The following CSNK1D variants were observed in gnomAD, a reference collection of about 807,000 sequenced individuals.
CSNK1D encodes the protein casein kinase I isoform delta.
In CSNK1D, 16 loss-of-function variants were observed where a neutral mutation model predicts 46.6. That is an observed-to-expected ratio of 0.34 (90% CI 0.23 to 0.52). The LOEUF (loss-of-function observed/expected upper bound fraction) is 0.52, where lower values mean the gene tolerates loss of function less well. Ranked by LOEUF, CSNK1D falls within the 20% of genes least tolerant of loss-of-function variation. The pLI, the probability that CSNK1D is intolerant of heterozygous loss-of-function variation, is 0.95. For synonymous variants in CSNK1D, 276 were observed against 228.2 expected (o/e 1.21, Z -1.89); for missense variants, 398 against 578.4 (o/e 0.69, Z 3.20).
Position 82,268,095 on chromosome 17 carries a change from C to T in CSNK1D, c.77-2299G>A, listed in dbSNP as rs117468153. On this transcript the variant is annotated intron_variant, in intron 1 of 8. Coordinates refer to ENST00000314028, the MANE Select transcript of CSNK1D (RefSeq NM_001893.6). ...AGCCAGCCCTCCTGTGGAACCGACA[C>T]CAAGGTCGCCCCGAGTCTCTACAGG... Among the ~76,000 whole-genome samples the T allele has an allele frequency of 2.2e-3, 328 of 152,358 alleles. 1 individual carries two copies. The highest frequency in any genetic ancestry group is 3.7e-3 in the Non-Finnish European group (251 of 68,032).
At chr17:82,262,877 T>C (rs554566621) in intron 2 of CSNK1D, among the ~76,000 whole-genome samples, 25 of 152,338 alleles carry the variant, frequency 1.6e-4, no homozygotes, top group South Asian at 4.1e-4. Context: ...AAAATGCAGA[T>C]CTTTAGATCT....
In CSNK1D at chr17:82,252,567, G is replaced by A. The variant is rs139071313; in HGVS notation, c.603C>T (p.Tyr201=). 1,336 of 1,613,978 alleles carry A rather than the reference G, an allele frequency of 8.3e-4. 4 individuals carry two copies. Among genetic ancestry groups the A allele is most frequent in the Non-Finnish European group, 9.7e-4 (1,147 of 1,180,018 alleles). ...SRRDDLESLG[Y]VLMYFNLGSL... The stretch of plus-strand genomic sequence containing the variant: ...AGCCCAGGTTGAAGTACATTAGCAC[G>A]TAGCCCAGAGACTCCAAGTCATCTC... Residue 201 remains tyrosine (Y), a synonymous_variant, in exon 5 of 9, where the codon TAC becomes TAT. Transcript: ENST00000314028. The surrounding 1 kb of genome is among the most constrained non-coding windows in gnomAD (Gnocchi z 4.6).
At chr17:82,264,037 G>C (rs780420760) in intron 2 of CSNK1D, among the ~76,000 whole-genome samples, 1 of 152,248 alleles carries the variant, frequency 6.6e-6, no homozygotes, top group African/African-American at 2.4e-5. Flanking sequence ...TGCTGCCAAA[G>C]ATATTTTGTG....
chr17:82,247,182 G>T (rs1025740689), intron 8 of CSNK1D: 2 of 985,472 alleles, frequency 2.0e-6, no homozygotes, highest in Non-Finnish European at 2.4e-6. Context: ...CCTCCCTGCT[G>T]TTAGAGCCCA....
At chr17:82,272,478 C>T (rs1433346837) in intron 1 of CSNK1D, among the ~76,000 whole-genome samples, 1 of 152,200 alleles carries the variant, frequency 6.6e-6, no homozygotes, top group East Asian at 1.9e-4. Context: ...TGAAATCTAC[C>T]TTGAGACTGT....
downstream of CSNK1D, among the ~76,000 whole-genome samples, chr17:82,242,130 G>A (rs1826025917): frequency 6.6e-6 from 1 of 151,578 alleles, no homozygotes; most frequent in Non-Finnish European, 1.5e-5. Flanking sequence ...ACGAGCACAG[G>A]TTAGGAGTTG....
Position 82,251,474 on chromosome 17 carries a change from G to C in CSNK1D, c.790C>G (p.Pro264Ala). The C allele has an allele frequency of 1.2e-6, 2 of 1,614,154 alleles. No individual in the cohort carries two copies. Among genetic ancestry groups the C allele is most frequent in the Non-Finnish European group, 1.7e-6 (2 of 1,180,024 alleles). The change falls in exon 6 of 9, where the codon CCT becomes GCT. Residue 264 changes from proline (P) to alanine (A), a missense_variant. This residue lies in a region of CSNK1D where 217 missense variants were observed against 370.3 expected (regional missense o/e 0.59). Transcript: ENST00000314028. The surrounding 1 kb of genome is among the most constrained non-coding windows in gnomAD (Gnocchi z 4.5). ...AGCTGCCGCAGGTACGAGTAGTCAG[G>C]CTTGTCGTCAAAACGCAAGGAACGG... Reference protein sequence around the residue: ...FCRSLRFDDKPDYSYLRQLFR... With the variant: ...FCRSLRFDDKADYSYLRQLFR...
At chr17:82,240,997 G>A (rs1450813483), downstream of CSNK1D, among the ~76,000 whole-genome samples, 2 of 152,290 alleles carry the variant, frequency 1.3e-5, no homozygotes, top group African/African-American at 4.8e-5. Flanking sequence ...GGTCTGGTGC[G>A]TGGGCTGCAG....
intron 2 of CSNK1D, among the ~76,000 whole-genome samples, chr17:82,256,947 A>G (rs1206456008): frequency 1.3e-5 from 2 of 152,142 alleles, no homozygotes; most frequent in Non-Finnish European, 2.9e-5. Context: ...AATTCAATTC[A>G]TTTAAAAAAT....
At position 82,245,942 on chromosome 17, in the gene CSNK1D, G is replaced by A. The variant is rs374625916; in HGVS notation, c.1198-1111C>T. ...GCATGGTGGCTCCCACCCACCTGGC[G>A]CTGCTGCCTGGCGCCCGCCACGCGC... is the stretch of plus-strand genomic sequence containing the variant. On this transcript the variant is annotated intron_variant, in intron 8 of 8. Transcript: ENST00000314028. The A allele has an allele frequency of 9.6e-4, 1,507 of 1,577,314 alleles. 2 individuals are homozygous for A. Among genetic ancestry groups the A allele is most frequent in the South Asian group, 5.1e-3 (443 of 86,318 alleles).
chr17:82,239,397 C>T (rs1484417492), downstream of CSNK1D: 1 of 180,040 alleles, frequency 5.6e-6, no homozygotes, highest in Non-Finnish European at 1.2e-5. Flanking sequence ...GGGCCTGTGC[C>T]CACCCCTCTT....
chr17:82,254,720 C>G (rs1350294205), intron 3 of CSNK1D: 3 of 123,628 alleles, frequency 2.4e-5, no homozygotes, highest in Non-Finnish European at 4.3e-5. Flanking sequence ...GCCGGAGCCT[C>G]GAGAAGCCAG....
Position 82,244,124 on chromosome 17 carries a change from C to A in CSNK1D, c.*657G>T. On this transcript the variant is annotated 3_prime_UTR_variant, in exon 9 of 9. Coordinates refer to ENST00000314028, the MANE Select transcript of CSNK1D (RefSeq NM_001893.6). ...GACGCCAAAATCAGGTTGAAGAGGT[C>A]CCACCACACACGGGCACACACACAC... is the stretch of plus-strand genomic sequence containing the variant. 1 of 992,942 alleles carries A rather than the reference C, an allele frequency of 1.0e-6. No homozygotes were observed. The highest frequency in any genetic ancestry group is 1.2e-6 in the Non-Finnish European group (1 of 833,998). The allele number at this position is 992,942 out of a possible 1,614,324, so 61.5% of individuals were successfully genotyped here. A position where few individuals can be genotyped will look rare whatever the true frequency, so the allele number is the denominator to read the frequency against.
chr17:82,252,303 T>A lies in CSNK1D; in HGVS notation c.736+131A>T. On this transcript the variant is annotated intron_variant, in intron 5 of 8. Coordinates refer to ENST00000314028, the MANE Select transcript of CSNK1D (RefSeq NM_001893.6). The surrounding 1 kb of genome is among the most constrained non-coding windows in gnomAD (Gnocchi z 4.6). ...ACCTCCATACACAAAAGCGCCCCGC[T>A]TTCCTGCCACCACCCCTTTGGAAGG... 1 of 1,087,720 alleles carries A rather than the reference T, an allele frequency of 9.2e-7. No homozygotes were observed. The highest frequency in any genetic ancestry group is 1.4e-6 in the Non-Finnish European group (1 of 705,844). The allele number at this position is 1,087,720 out of a possible 1,614,324, so 67.4% of individuals were successfully genotyped here.
chr17:82,268,615 T>C (rs1188840449), intron 1 of CSNK1D, among the ~76,000 whole-genome samples: 1 of 152,192 alleles, frequency 6.6e-6, no homozygotes. Flanking sequence ...GACACGCAGA[T>C]CACCAGGTTG....
At chr17:82,263,794 C>A (rs1471567223) in intron 2 of CSNK1D, among the ~76,000 whole-genome samples, 3 of 152,244 alleles carry the variant, frequency 2.0e-5, no homozygotes, top group Non-Finnish European at 4.4e-5. Context: ...ACACCCCGCA[C>A]CACCCTGCTC....
chr17:82,269,117 AAAGC>A (rs2051553257), intron 1 of CSNK1D, among the ~76,000 whole-genome samples: 4 of 151,524 alleles, frequency 2.6e-5, no homozygotes, highest in Middle Eastern at 3.4e-3. Flanking sequence ...AAAAAAAAAA[AAAGC>A]AGATGGTGAG....
In CSNK1D at chr17:82,242,936, G is replaced by T. The variant is rs2050764529; in HGVS notation, c.*1845C>A. The stretch of plus-strand genomic sequence containing the variant: ...TTCTGGGCACTACATCGGGACCACA[G>T]ATATTTACAAAGCAAGCTTGCGCCA... On this transcript the variant is annotated 3_prime_UTR_variant, in exon 9 of 9. Coordinates refer to ENST00000314028, the MANE Select transcript of CSNK1D (RefSeq NM_001893.6). 7.1e-6 allele frequency: 7 copies of T among 985,336 alleles called. No homozygotes were observed. The highest frequency in any genetic ancestry group is 6.1e-5 in the Admixed American group (1 of 16,264). 61.0% of individuals were successfully genotyped at this position (985,336 alleles called of 1,614,324 possible). A position where few individuals can be genotyped will look rare whatever the true frequency, so the allele number is the denominator to read the frequency against.
At position 82,253,089 on chromosome 17, in the gene CSNK1D, G is replaced by A; in HGVS notation, c.492C>T (p.His164=). 5 of 1,614,246 alleles carry A rather than the reference G, an allele frequency of 3.1e-6. No individual in the cohort carries two copies. Among genetic ancestry groups the A allele is most frequent in the South Asian group, 2.2e-5 (2 of 91,084 alleles). ...GGTTCTTGTTCTCACGATAGGGGAT[G>A]TGCTGGTGGGTGCGTGCATCCCGGT... The part of the protein sequence containing the change: ...KKYRDARTHQ[H]IPYRENKNLT... The change falls in exon 4 of 9, where the codon CAC becomes CAT. Residue 164 remains histidine (H), a synonymous_variant. Coordinates refer to ENST00000314028, the MANE Select transcript of CSNK1D (RefSeq NM_001893.6).
Sources: allele counts gnomAD v4.1 joint callset (sites outside exome capture counted in the v4.1 genomes callset), GRCh38; gene constraint gnomAD v4.1.1; regional missense constraint gnomAD v4.1.1; non-coding constraint Gnocchi (gnomAD v3.1); transcripts MANE v1.5; gene names NCBI Gene and HGNC (gene_info 2026-07-23, HGNC 2026-07-21).